The following NPR2 variants were observed in gnomAD, a reference collection of about 807,000 sequenced individuals.
NPR2 encodes natriuretic peptide receptor 2.
A neutral mutation model predicts 120.7 loss-of-function variants in NPR2; 49 were observed. The ratio of observed to expected loss-of-function variants is 0.41; its 90% CI spans 0.32 to 0.52. NPR2 has a LOEUF of 0.52. NPR2 is among the 20% of genes least tolerant of loss of function. The pLI is 0.36. For synonymous variants in NPR2, 484 were observed against 519.8 expected (o/e 0.93, Z 0.94); for missense variants, 931 against 1,362.9 (o/e 0.68, Z 4.99).
At position 35,806,333 on chromosome 9, in the gene NPR2, G is replaced by C; in HGVS notation, c.2373-59G>C. 1 of 1,609,792 alleles carries C rather than the reference G, an allele frequency of 6.2e-7. No homozygotes were observed. Among genetic ancestry groups the C allele is most frequent in the Non-Finnish European group, 8.5e-7 (1 of 1,176,274 alleles). The stretch of plus-strand genomic sequence containing the variant: ...GTGGGACCAGAGGGTGGGTTGGATA[G>C]GAAGTCCTGGGAATCTTCAGAATCT... On this transcript the variant is annotated intron_variant, in intron 15 of 21. Coordinates refer to ENST00000342694, the MANE Select transcript of NPR2 (RefSeq NM_003995.4). This position sits in a 1 kb window ranked among gnomAD's most constrained non-coding sequence, Gnocchi z 4.6.
At chr9:35,797,768 GTAC>G (rs1827988193) in intron 2 of NPR2, among the ~76,000 whole-genome samples, 1 of 151,646 alleles carries the variant, frequency 6.6e-6, no homozygotes, top group South Asian at 2.1e-4. Context: ...TTGTTTTTTG[GTAC>G]TACAACTACA....
chr9:35,792,432 G>T lies in NPR2; in HGVS notation c.24G>T (p.Leu8=). The change falls in exon 1 of 22, where the codon CTG becomes CTT. Residue 8 remains leucine, a synonymous_variant. Coordinates refer to ENST00000342694, the MANE Select transcript of NPR2 (RefSeq NM_003995.4). ...CCATGGCGCTGCCATCACTTCTGCT[G>T]TTGGTGGCAGCCCTGGCAGGTGGGG... is the stretch of plus-strand genomic sequence containing the variant. MALPSLL[L]LVAALAGGVR... The T allele has an allele frequency of 6.2e-7, 1 of 1,611,584 alleles. No individual in the cohort carries two copies. The highest frequency in any genetic ancestry group is 8.5e-7 in the Non-Finnish European group (1 of 1,179,814).
In NPR2 at chr9:35,797,007, G is replaced by A. The variant is rs574129224; in HGVS notation, c.874-2611G>A. Among the ~76,000 whole-genome samples, 7 of 152,324 alleles carry A rather than the reference G, an allele frequency of 4.6e-5. No homozygotes were observed. In the South Asian group the frequency reaches 6.2e-4, roughly 14 times the overall value. On this transcript the variant is annotated intron_variant, in intron 2 of 21. Transcript: ENST00000342694. ...TCAAGGAAAGGCCTTAGCTCATGCC[G>A]TATCGATACTGGCTACTAGGGAGAG...
chr9:35,791,654 G>T lies in NPR2; in HGVS notation c.-755G>T, dbSNP rs964544836. On this transcript the variant is annotated 5_prime_UTR_variant, in exon 1 of 22. Coordinates refer to ENST00000342694, the MANE Select transcript of NPR2 (RefSeq NM_003995.4). Reference sequence around the variant, plus strand: ...GGGCCGGGCCGAGGCGACCTGACCCGGACGAGCGGCGCGCGCGGGGCCCAG... The same window carrying T: ...GGGCCGGGCCGAGGCGACCTGACCCTGACGAGCGGCGCGCGCGGGGCCCAG... Among the ~76,000 whole-genome samples, 41 of 147,110 alleles carry T rather than the reference G, an allele frequency of 2.8e-4. No homozygotes were observed. Among genetic ancestry groups the T allele is most frequent in the Non-Finnish European group, 4.8e-4 (32 of 66,070 alleles).
chr9:35,792,030 A>ACCCCCCC lies in NPR2; in HGVS notation c.-376_-375insCCCCCCC. On this transcript the variant is annotated 5_prime_UTR_variant, in exon 1 of 22. The change creates a premature stop within an existing upstream ORF in the 5' untranslated region. Coordinates refer to ENST00000342694, the MANE Select transcript of NPR2 (RefSeq NM_003995.4). ...TTCCCCCAGGCCGTTTCTTTGTACC[A>ACCCCCCC]CCCGCCCCCCACCCCCACCCCATCC... is the stretch of plus-strand genomic sequence containing the variant. 4.1e-5 allele frequency: 2 copies of ACCCCCCC among 48,916 alleles called. 1 individual carries two copies. The highest frequency in any genetic ancestry group is 1.4e-3 in the South Asian group (2 of 1,460). 3.0% of individuals were successfully genotyped at this position (48,916 alleles called of 1,614,324 possible). A position where few individuals can be genotyped will look rare whatever the true frequency, so the allele number is the denominator to read the frequency against.
rs749258669 is a variant in NPR2 at position 35,805,873 on chromosome 9, G to T, written c.2091G>T (p.Leu697Phe). ...CAGAACTGCTCAGTGGGAACCCCTTGCCAACCACAGGCATGCAGAAGGCTG... is the reference window on the plus strand; with the variant it reads ...CAGAACTGCTCAGTGGGAACCCCTTTCCAACCACAGGCATGCAGAAGGCTG... ...TAPELLSGNPLPTTGMQKADV... is the reference protein window; with the variant it reads ...TAPELLSGNPFPTTGMQKADV... The change falls in exon 14 of 22, where the codon TTG (leucine) becomes TTT (phenylalanine). Residue 697 changes from leucine (L) to phenylalanine (F), a missense_variant. This residue lies in a region of NPR2 where 681 missense variants were observed against 974.3 expected (regional missense o/e 0.70). Transcript: ENST00000342694. This position sits in a 1 kb window ranked among gnomAD's most constrained non-coding sequence, Gnocchi z 4.9. 6.8e-6 allele frequency: 11 copies of T among 1,614,172 alleles called. No homozygotes were observed. Among genetic ancestry groups the T allele is most frequent in the Non-Finnish European group, 9.3e-6 (11 of 1,179,984 alleles).
Position 35,792,238 on chromosome 9 carries a change from C to T in NPR2, c.-171C>T. ...TGCCCGCCCCCCGCCTTCCTCCCAT[C>T]TCCCCCTCCTCTCCCCGGCCCCCAG... On this transcript the variant is annotated 5_prime_UTR_variant, in exon 1 of 22. Coordinates refer to ENST00000342694, the MANE Select transcript of NPR2 (RefSeq NM_003995.4). The T allele has an allele frequency of 1.9e-6, 1 of 514,510 alleles. No individual in the cohort carries two copies. Among genetic ancestry groups the T allele is most frequent in the Non-Finnish European group, 3.4e-6 (1 of 296,578 alleles). 31.9% of individuals were successfully genotyped at this position (514,510 alleles called of 1,614,324 possible).
At chr9:35,807,596 T>C (rs1361390898) in intron 18 of NPR2, among the ~76,000 whole-genome samples, 198 bp downstream of exon 18, 1 of 152,198 alleles carries the variant, frequency 6.6e-6, no homozygotes, top group Non-Finnish European at 1.5e-5. Context: ...GTCGAATTTC[T>C]TGTGAATCCT....
chr9:35,804,540 CTG>C (rs1252089539), intron 12 of NPR2, among the ~76,000 whole-genome samples: 1 of 152,210 alleles, frequency 6.6e-6, no homozygotes, highest in Non-Finnish European at 1.5e-5. Flanking sequence ...GCCTTTAAGA[CTG>C]TCTTTCAGCT....
intron 18 of NPR2, chr9:35,807,996 C>G (rs1828501294): frequency 1.7e-6 from 1 of 605,870 alleles, no homozygotes; most frequent in South Asian, 2.0e-5. Context: ...GGGATAACTA[C>G]TTTATCCCTA....
In NPR2 at chr9:35,801,943, C is replaced by A. The variant is rs753525337; in HGVS notation, c.1575C>A (p.Gly525=). Residue 525 remains glycine (G), a synonymous_variant, in exon 9 of 22, where the codon GGC becomes GGA. Coordinates refer to ENST00000342694, the MANE Select transcript of NPR2 (RefSeq NM_003995.4). ...LTLSLRGSSY[G]SLMTAHGKYQ... ...GGCCCCAGCGGGGATCCAGTTACGG[C>A]TCGCTCATGACAGCCCATGGGAAAT... is the stretch of plus-strand genomic sequence containing the variant. 1.2e-6 allele frequency: 2 copies of A among 1,614,200 alleles called. No individual in the cohort carries two copies. Among genetic ancestry groups the A allele is most frequent in the Non-Finnish European group, 1.7e-6 (2 of 1,180,016 alleles).
chr9:35,801,443 C>G (rs1828153015), intron 7 of NPR2, among the ~76,000 whole-genome samples, 200 bp from the exon 8 acceptor site: 2 of 152,200 alleles, frequency 1.3e-5, no homozygotes, highest in African/African-American at 4.8e-5. Flanking sequence ...AAAGAACTTT[C>G]ACCCCCAGTC....
At position 35,805,691 on chromosome 9, in the gene NPR2, C is replaced by A; in HGVS notation, c.2047+21C>A. Reference sequence around the variant, plus strand: ...TGCCAGTGAGGCCCACCCCCACAACCCACTTTTTATATTGCTCCTCTTTCC... The same window carrying A: ...TGCCAGTGAGGCCCACCCCCACAACACACTTTTTATATTGCTCCTCTTTCC... On this transcript the variant is annotated intron_variant, in intron 13 of 21. Transcript: ENST00000342694. This position sits in a 1 kb window ranked among gnomAD's most constrained non-coding sequence, Gnocchi z 4.9. The A allele has an allele frequency of 6.2e-7, 1 of 1,613,786 alleles. No homozygotes were observed. The highest frequency in any genetic ancestry group is 8.5e-7 in the Non-Finnish European group (1 of 1,179,932).
At chr9:35,803,741 G>T (rs1179992404) in intron 12 of NPR2, among the ~76,000 whole-genome samples, 1 of 152,190 alleles carries the variant, frequency 6.6e-6, no homozygotes, top group Non-Finnish European at 1.5e-5. Context: ...CATCCCAGTG[G>T]ATCACCCCAC....
In NPR2 at chr9:35,792,461, G is replaced by A; in HGVS notation, c.53G>A (p.Arg18His). 20 of 1,611,020 alleles carry A rather than the reference G, an allele frequency of 1.2e-5. No homozygotes were observed. Among genetic ancestry groups the A allele is most frequent in the Admixed American group, 1.7e-5 (1 of 60,010 alleles). Residue 18 changes from arginine to histidine, a missense_variant, in exon 1 of 22, where the codon CGT becomes CAT. By Grantham distance (29) the Arg-to-His change is conservative (BLOSUM62 0). This residue lies in a region of NPR2 where 681 missense variants were observed against 974.3 expected (regional missense o/e 0.70). Coordinates refer to ENST00000342694, the MANE Select transcript of NPR2 (RefSeq NM_003995.4). ...GTGGCAGCCCTGGCAGGTGGGGTGC[G>A]TCCTCCCGGGGCGCGGAACCTGACG... ...LLVAALAGGV[R>H]PPGARNLTLA... is the part of the protein sequence containing the mutation.
Position 35,807,204 on chromosome 9 carries a change from G to A in NPR2, c.2643+58G>A. 2 of 1,477,254 alleles carry A rather than the reference G, an allele frequency of 1.4e-6. 1 individual carries two copies. Among genetic ancestry groups the A allele is most frequent in the South Asian group, 2.3e-5 (2 of 88,396 alleles). 91.5% of individuals were successfully genotyped at this position (1,477,254 alleles called of 1,614,324 possible). A position where few individuals can be genotyped will look rare whatever the true frequency, so the allele number is the denominator to read the frequency against. On this transcript the variant is annotated intron_variant, in intron 17 of 21. Coordinates refer to ENST00000342694, the MANE Select transcript of NPR2 (RefSeq NM_003995.4). Reference sequence around the variant, plus strand: ...GTTGGGTGGGTAGGGACCTGGGGAAGCCTCATTGATAATAGGAAAGATGAG... The same window carrying A: ...GTTGGGTGGGTAGGGACCTGGGGAAACCTCATTGATAATAGGAAAGATGAG...
Position 35,809,170 on chromosome 9 carries a change from G to A in NPR2, c.3001G>A (p.Val1001Ile). 2 of 1,613,930 alleles carry A rather than the reference G, an allele frequency of 1.2e-6. No individual in the cohort carries two copies. The highest frequency in any genetic ancestry group is 1.7e-6 in the Non-Finnish European group (2 of 1,179,928). Residue 1001 changes from valine to isoleucine, a missense_variant, in exon 21 of 22, where the codon GTC (valine) becomes ATC (isoleucine). Around this residue, in one of 3 missense-constraint regions of NPR2, gnomAD observed 184 missense variants for 328.3 expected, o/e 0.56. Transcript: ENST00000342694. The surrounding 1 kb of genome is among the most constrained non-coding windows in gnomAD (Gnocchi z 4.1). ...ESNGQALKIHVSSTTKDALDE... is the reference protein window; with the variant it reads ...ESNGQALKIHISSTTKDALDE... ...ACCCACCCCAGCGCTGAAGATCCAT[G>A]TCTCCTCTACCACCAAGGATGCCCT...
intron 12 of NPR2, among the ~76,000 whole-genome samples, chr9:35,804,660 C>T (rs146178951): frequency 1.4e-3 from 215 of 152,368 alleles, no homozygotes; most frequent in Non-Finnish European, 2.1e-3. Flanking sequence ...TGATGTTCTG[C>T]ACTTTCTCTC....
In NPR2 at chr9:35,800,178, G is replaced by A. The variant is rs974331749; in HGVS notation, c.1123+21G>A. 2.5e-6 allele frequency: 4 copies of A among 1,606,450 alleles called. No individual in the cohort carries two copies. The African/African-American group carries it at 5.3e-5, about 21-fold the overall frequency. Reference sequence around the variant, plus strand: ...TCACGGTAATGAAGAGGGGTCAATGGGGGTCTGAGGGCTGATGTCAGGAAT... The same window carrying A: ...TCACGGTAATGAAGAGGGGTCAATGAGGGTCTGAGGGCTGATGTCAGGAAT... On this transcript the variant is annotated intron_variant, in intron 4 of 21. Coordinates refer to ENST00000342694, the MANE Select transcript of NPR2 (RefSeq NM_003995.4). This position sits in a 1 kb window ranked among gnomAD's most constrained non-coding sequence, Gnocchi z 4.7.
Sources: gnomAD v4.1 joint callset for allele counts (sites outside exome capture counted in the v4.1 genomes callset) on GRCh38, gnomAD v4.1.1 for gene constraint, gnomAD v4.1.1 regional missense constraint, Gnocchi (gnomAD v3.1) non-coding constraint, MANE v1.5 for transcripts, NCBI Gene and HGNC (gene_info 2026-07-23, HGNC 2026-07-21) for gene names.